The following POU2F3 variants were observed in gnomAD, a reference collection of about 807,000 sequenced individuals.
POU2F3 encodes the protein POU domain, class 2, transcription factor 3.
In POU2F3, 23 loss-of-function variants were observed where a neutral mutation model predicts 59.2. The observed-to-expected ratio is 0.39, with a 90% CI of 0.28 to 0.55. The LOEUF (loss-of-function observed/expected upper bound fraction) is 0.55. Ranked by LOEUF, POU2F3 falls within the 20% of genes least tolerant of loss-of-function variation. The pLI is 0.66. For missense variants in POU2F3, 473 were observed against 544.5 expected (o/e 0.87, Z 1.31); for synonymous variants, 190 against 214.6 (o/e 0.89, Z 1.00).
chr11:120,261,573 T>C (rs536839374), intron 2 of POU2F3, among the ~76,000 whole-genome samples: 1 of 152,282 alleles, frequency 6.6e-6, no homozygotes, highest in African/African-American at 2.4e-5. Flanking sequence ...AGACAGGGAA[T>C]TCTGGCACTT....
intron 2 of POU2F3, chr11:120,256,531 C>T (rs1470032119): frequency 6.6e-6 from 1 of 152,170 alleles, no homozygotes; most frequent in Non-Finnish European, 1.5e-5. Flanking sequence ...ACTGTCGTGT[C>T]CACACATGTC....
intron 3 of POU2F3, among the ~76,000 whole-genome samples, chr11:120,278,545 A>G (rs1180691399): frequency 6.6e-6 from 1 of 152,196 alleles, no homozygotes; most frequent in East Asian, 1.9e-4. Flanking sequence ...GAATGCATAC[A>G]GCCTCTGCCC....
At chr11:120,239,207 C>T (rs1938574874), upstream of POU2F3, among the ~76,000 whole-genome samples, 1 of 152,216 alleles carries the variant, frequency 6.6e-6, no homozygotes, top group South Asian at 2.1e-4. Flanking sequence ...GAAAGCGAGG[C>T]CCTGCCCTCC....
At chr11:120,266,928 G>C (rs111644309) in intron 2 of POU2F3, among the ~76,000 whole-genome samples, 1 of 152,234 alleles carries the variant, frequency 6.6e-6, no homozygotes, top group Non-Finnish European at 1.5e-5. Context: ...CACATAGACT[G>C]TGCTTAGTAA....
chr11:120,294,651 G>T (rs1190235018), intron 3 of POU2F3, among the ~76,000 whole-genome samples: 1 of 152,180 alleles, frequency 6.6e-6, no homozygotes, highest in Admixed American at 6.5e-5. Context: ...ATTCAGGAAG[G>T]CTTTATTTCT....
intron 8 of POU2F3, 113 bp from the exon 9 acceptor site, chr11:120,307,366 T>C (rs1213944638): frequency 7.9e-7 from 1 of 1,266,114 alleles, no homozygotes; most frequent in Admixed American, 2.1e-5. Context: ...GGATTGCTCC[T>C]GAAAATGCCA....
chr11:120,248,560 G>A (rs532880465), intron 2 of POU2F3, among the ~76,000 whole-genome samples: 10 of 152,254 alleles, frequency 6.6e-5, no homozygotes, highest in African/African-American at 2.2e-4. Context: ...GCATCAGCCC[G>A]GAAGGTTGGT....
chr11:120,298,072 G>C (rs941804718), intron 3 of POU2F3, among the ~76,000 whole-genome samples, 193 bp from the exon 4 acceptor site: 1 of 151,804 alleles, frequency 6.6e-6, no homozygotes, highest in African/African-American at 2.4e-5. Flanking sequence ...ACTCACACAG[G>C]CCTCTGCCCA....
chr11:120,241,157 C>A (rs1424248489), intron 1 of POU2F3, among the ~76,000 whole-genome samples: 1 of 152,192 alleles, frequency 6.6e-6, no homozygotes, highest in Non-Finnish European at 1.5e-5. Flanking sequence ...TTAGGGTGGG[C>A]CTTCTGGAGG....
upstream of POU2F3, chr11:120,236,697 A>C (rs1444505044): frequency 6.7e-7 from 1 of 1,503,170 alleles, no homozygotes; most frequent in Admixed American, 2.0e-5. Flanking sequence ...GAACTGCTAA[A>C]GGAGGAAGGG....
chr11:120,268,771 G>A (rs1408775602), intron 2 of POU2F3, among the ~76,000 whole-genome samples: 1 of 152,240 alleles, frequency 6.6e-6, no homozygotes, highest in Non-Finnish European at 1.5e-5. Context: ...CTCTCCTGGA[G>A]GGCTGGGCTA....
chr11:120,302,173 G>C, intron 5 of POU2F3, 113 bp from the exon 6 acceptor site: 3 of 871,116 alleles, frequency 3.4e-6, no homozygotes, highest in Middle Eastern at 4.6e-4. Context: ...GGAGGGACCT[G>C]ATCAGGTGGC....
intron 3 of POU2F3, among the ~76,000 whole-genome samples, chr11:120,297,579 C>T (rs1941224635): frequency 6.6e-6 from 1 of 152,120 alleles, no homozygotes; most frequent in South Asian, 2.1e-4. Flanking sequence ...TTTGGGGTTT[C>T]ATAGATGAGA....
chr11:120,243,909 C>A (rs1565350807), intron 1 of POU2F3, among the ~76,000 whole-genome samples: 1 of 151,980 alleles, frequency 6.6e-6, no homozygotes. Flanking sequence ...GGGGTTGATG[C>A]CTTTGAAAGT....
chr11:120,289,971 C>T (rs546763967), intron 3 of POU2F3, among the ~76,000 whole-genome samples: 3 of 152,288 alleles, frequency 2.0e-5, no homozygotes, highest in African/African-American at 7.2e-5. Flanking sequence ...TTTTGGTATA[C>T]AGTAGGTGCT....
chr11:120,242,346 G>A (rs745982749), intron 1 of POU2F3, among the ~76,000 whole-genome samples: 7 of 152,066 alleles, frequency 4.6e-5, no homozygotes, highest in African/African-American at 9.7e-5. Flanking sequence ...CTTCCAGTGC[G>A]CACCCTGCTG....
chr11:120,309,726 A>G, intron 10 of POU2F3, 140 bp downstream of exon 10: 1 of 1,044,396 alleles, frequency 9.6e-7, no homozygotes, highest in South Asian at 1.8e-5. Flanking sequence ...TAGTATAAAG[A>G]AGGGCGAGGG....
intron 3 of POU2F3, among the ~76,000 whole-genome samples, chr11:120,271,529 T>A (rs966463468): frequency 6.6e-6 from 1 of 152,158 alleles, no homozygotes; most frequent in Non-Finnish European, 1.5e-5. Flanking sequence ...CCCCAGCCCC[T>A]TGGGACAAGA....
intron 3 of POU2F3, among the ~76,000 whole-genome samples, chr11:120,272,035 C>T (rs370221917): frequency 6.6e-6 from 1 of 152,252 alleles, no homozygotes; most frequent in East Asian, 1.9e-4. Context: ...TTCCCAGGCC[C>T]CTGCTTGAGG....
Sources: allele counts gnomAD v4.1 joint callset (sites outside exome capture counted in the v4.1 genomes callset), GRCh38; gene constraint gnomAD v4.1.1; transcripts MANE v1.5; gene names NCBI Gene and HGNC (gene_info 2026-07-23, HGNC 2026-07-21).